SPIDR: variants seen among roughly 807,000 people sequenced by gnomAD.
The protein encoded by SPIDR is DNA repair-scaffolding protein.
SPIDR carries 93 observed loss-of-function variants against 104.6 expected under a neutral mutation model. The observed-to-expected ratio is 0.89, with a 90% CI of 0.75 to 1.06. SPIDR has a LOEUF of 1.06. Ranked by LOEUF, SPIDR falls within the 50% of genes least tolerant of loss-of-function variation. SPIDR has a pLI of 0.00. For missense variants in SPIDR, 1,154 were observed against 1,111.2 expected (o/e 1.04, Z -0.55); for synonymous variants, 431 against 416.9 (o/e 1.03, Z -0.41).
At chr8:47,485,359 C>T (rs1004611835) in intron 8 of SPIDR, among the ~76,000 whole-genome samples, 3 of 152,242 alleles carry the variant, frequency 2.0e-5, no homozygotes, top group African/African-American at 4.8e-5. Flanking sequence ...AGCCAGGAAG[C>T]TCGAACTGGG....
intron 5 of SPIDR, among the ~76,000 whole-genome samples, chr8:47,300,939 G>A (rs1247436289): frequency 6.6e-6 from 1 of 152,190 alleles, no homozygotes; most frequent in Non-Finnish European, 1.5e-5. Flanking sequence ...TGGGGGTGGA[G>A]AGTTCTGTAG....
intron 4 of SPIDR, among the ~76,000 whole-genome samples, chr8:47,292,488 A>G (rs2154238857): frequency 6.6e-6 from 1 of 152,312 alleles, no homozygotes; most frequent in South Asian, 2.1e-4. Flanking sequence ...AAATGGGTAA[A>G]TAGTATGGTT....
intron 8 of SPIDR, among the ~76,000 whole-genome samples, chr8:47,535,394 A>G (rs537427518): frequency 1.3e-5 from 2 of 152,084 alleles, no homozygotes; most frequent in South Asian, 4.2e-4. Context: ...CCTTATTTGC[A>G]GATAACAAAT....
chr8:47,500,646 A>G (rs2080250811), intron 8 of SPIDR, among the ~76,000 whole-genome samples: 1 of 152,098 alleles, frequency 6.6e-6, no homozygotes. Flanking sequence ...CTTTAGTTTA[A>G]TTGAATCCCA....
chr8:47,411,121 C>T (rs1157775051), intron 7 of SPIDR, among the ~76,000 whole-genome samples: 5 of 152,160 alleles, frequency 3.3e-5, no homozygotes, highest in African/African-American at 4.8e-5. Flanking sequence ...AGTAAACATA[C>T]GTGTGCATGT....
Position 47,607,598 on chromosome 8 carries a change from C to A in SPIDR, c.1544+8402C>A, listed in dbSNP as rs532391831. Among the ~76,000 whole-genome samples the A allele has an allele frequency of 8.0e-4, 120 of 150,708 alleles. 5 individuals are homozygous for A. Among genetic ancestry groups the A allele is most frequent in the Non-Finnish European group, 1.3e-4 (9 of 67,716 alleles). ...AAATTTCTTTTGAAAAGGTAGTCAA[C>A]CATTTTGACTCCCTGAAAATGTGGT... On this transcript the variant is annotated intron_variant, in intron 10 of 19. Transcript: ENST00000297423.
At chr8:47,341,331 G>T (rs1040964566) in intron 5 of SPIDR, among the ~76,000 whole-genome samples, 2 of 152,146 alleles carry the variant, frequency 1.3e-5, no homozygotes, top group Admixed American at 1.3e-4. Flanking sequence ...TCTTAAAAAT[G>T]TCTCATAGCA....
chr8:47,421,618 T>G (rs1189513783), intron 7 of SPIDR, among the ~76,000 whole-genome samples: 2 of 152,246 alleles, frequency 1.3e-5, no homozygotes, highest in Non-Finnish European at 2.9e-5. Context: ...CTTGTGAAAG[T>G]CATTCTCCAT....
rs201161310 is a variant in SPIDR at position 47,599,076 on chromosome 8, C to T, written c.1424C>T (p.Ala475Val). 3.4e-5 allele frequency: 55 copies of T among 1,612,942 alleles called. No homozygotes were observed. The Admixed American group carries it at 9.0e-4, about 26-fold the overall frequency. The change falls in exon 10 of 20, where the codon GCC becomes GTC. Residue 475 changes from alanine to valine, a missense_variant. Physicochemically the swap from Ala to Val is moderately conservative, Grantham distance 64 (BLOSUM62 0). Transcript: ENST00000297423. ...LLDVVESQGA[A>V]SWPGAGVRVV... The stretch of plus-strand genomic sequence containing the variant: ...GATGTGGTGGAAAGCCAGGGAGCTG[C>T]CTCGTGGCCAGGAGCTGGAGTCCGA...
At position 47,459,598 on chromosome 8, in the gene SPIDR, C is replaced by T. The variant is rs575139826; in HGVS notation, c.1097+19056C>T. On this transcript the variant is annotated intron_variant, in intron 8 of 19. Coordinates refer to ENST00000297423, the MANE Select transcript of SPIDR (RefSeq NM_001080394.4). ...AGAACCAGCTTTTTGTTTCATTTATCGTTTGTATTTTTTTTGTTTCAATTT... is the reference window on the plus strand; with the variant it reads ...AGAACCAGCTTTTTGTTTCATTTATTGTTTGTATTTTTTTTGTTTCAATTT... 3.9e-5 allele frequency among the ~76,000 whole-genome samples: 6 copies of T among 151,980 alleles called. No homozygotes were observed. The South Asian group carries it at 6.2e-4, about 16-fold the overall frequency.
At chr8:47,412,595 C>T (rs2063694086) in intron 7 of SPIDR, among the ~76,000 whole-genome samples, 1 of 152,190 alleles carries the variant, frequency 6.6e-6, no homozygotes, top group South Asian at 2.1e-4. Context: ...GGGCTACAGT[C>T]AGTAACACAC....
intron 8 of SPIDR, among the ~76,000 whole-genome samples, chr8:47,476,647 C>T (rs1050314751): frequency 9.9e-5 from 15 of 151,952 alleles, no homozygotes; most frequent in African/African-American, 3.6e-4. Flanking sequence ...GATTCTTCAC[C>T]GAACTAAGGG....
chr8:47,565,166 A>T (rs1188099333), intron 8 of SPIDR, among the ~76,000 whole-genome samples: 1 of 152,208 alleles, frequency 6.6e-6, no homozygotes, highest in Admixed American at 6.5e-5. Context: ...GAATAGCTTG[A>T]ACCTGGGAGG....
chr8:47,702,079 TCTCTCTCTCTCTCTCTCTTACA>T lies in SPIDR; in HGVS notation c.1977+66_1977+87del, dbSNP rs1347952407. 3.3e-3 allele frequency: 1,656 copies of T among 499,900 alleles called. 38 individuals are homozygous for T. Among genetic ancestry groups the T allele is most frequent in the African/African-American group, 5.1e-3 (155 of 30,524 alleles). 31.0% of individuals were successfully genotyped at this position (499,900 alleles called of 1,614,324 possible). On this transcript the variant is annotated intron_variant, in intron 14 of 19. Coordinates refer to ENST00000297423, the MANE Select transcript of SPIDR (RefSeq NM_001080394.4). ...CTCTCTCTCTCTCTCTCTCTCTCTCTCTCTCTCTCTCTCTCTCTTACACACACACACACACACACACACACAC... is the reference window on the plus strand; with the variant it reads ...CTCTCTCTCTCTCTCTCTCTCTCTCTCACACACACACACACACACACACAC...
chr8:47,612,233 C>T (rs1171986653), intron 10 of SPIDR, among the ~76,000 whole-genome samples: 1 of 152,162 alleles, frequency 6.6e-6, no homozygotes, highest in African/African-American at 2.4e-5. Context: ...CTTTGTACCT[C>T]GAGTCTTTGC....
At chr8:47,581,744 G>C (rs1213499460) in intron 8 of SPIDR, among the ~76,000 whole-genome samples, 1 of 151,980 alleles carries the variant, frequency 6.6e-6, no homozygotes, top group Non-Finnish European at 1.5e-5. Context: ...ACCATTAAAA[G>C]AGGGAAGGAA....
chr8:47,511,360 C>T (rs1586915078), intron 8 of SPIDR: 2 of 1,044,616 alleles, frequency 1.9e-6, no homozygotes, highest in Non-Finnish European at 3.0e-6. Flanking sequence ...GGGGGCAGTG[C>T]TGCTCGGTGT....
At chr8:47,303,645 G>A (rs908161002) in intron 5 of SPIDR, among the ~76,000 whole-genome samples, 3 of 152,020 alleles carry the variant, frequency 2.0e-5, no homozygotes, top group Admixed American at 6.5e-5. Context: ...TTCTATTAAC[G>A]TGGTGTATCA....
chr8:47,568,695 G>C (rs1218138006), intron 8 of SPIDR, among the ~76,000 whole-genome samples: 2 of 152,156 alleles, frequency 1.3e-5, no homozygotes, highest in Non-Finnish European at 2.9e-5. Context: ...AAGAGAAAGA[G>C]AAAGGGGCAG....
Sources: gnomAD v4.1 joint callset for allele counts (sites outside exome capture counted in the v4.1 genomes callset) on GRCh38, gnomAD v4.1.1 for gene constraint, MANE v1.5 for transcripts, NCBI Gene and HGNC (gene_info 2026-07-23, HGNC 2026-07-21) for gene names.